TTC28: variants seen among roughly 807,000 people sequenced by gnomAD.
TTC28 encodes the protein tetratricopeptide repeat protein 28.
In TTC28, 61 loss-of-function variants were observed where a neutral mutation model predicts 198.0. The ratio of observed to expected loss-of-function variants is 0.31; its 90% confidence interval spans 0.25 to 0.38. The LOEUF is 0.38. Ranked by LOEUF, TTC28 falls within the 10% of genes least tolerant of loss-of-function variation. The pLI is 1.00. For synonymous variants in TTC28, 1,171 were observed against 1,297.8 expected, an observed-to-expected ratio of 0.90 and a Z score of 2.10; for missense variants, 2,678 against 3,164.0, an observed-to-expected ratio of 0.85 and a Z score of 3.69.
chr22:28,386,274 C>CAACAA lies in TTC28; in HGVS notation c.382-79632_382-79631insTTGTT, dbSNP rs1450364889. Among the ~76,000 whole-genome samples, 5 of 52,240 alleles carry CAACAA rather than the reference C, an allele frequency of 9.6e-5. No homozygotes were observed. In the East Asian group the frequency reaches 5.9e-3, roughly 62 times the overall value. 34.3% of individuals were successfully genotyped at this position (52,240 alleles called of 152,430 possible). ...TGGGCGACAGAGCGAGACTCCGTCT[C>CAACAA]AAAAAAAAAAAAAAAAAAAAAAAAA... On this transcript the variant is annotated intron_variant, in intron 2 of 22. Coordinates refer to ENST00000397906, the MANE Select transcript of TTC28 (RefSeq NM_001145418.2).
At chr22:28,495,652 C>T (rs549949136) in intron 2 of TTC28, among the ~76,000 whole-genome samples, 1 of 152,148 alleles carries the variant, frequency 6.6e-6, no homozygotes, top group African/African-American at 2.4e-5. Context: ...AAAGGTATTC[C>T]TTGTTTGATG....
At chr22:28,206,535 A>C (rs1926419267) in intron 5 of TTC28, among the ~76,000 whole-genome samples, 2 of 152,172 alleles carry the variant, frequency 1.3e-5, no homozygotes, top group Non-Finnish European at 2.9e-5. Context: ...TTAGGCTATA[A>C]AGGAAAGGTT....
rs567495821 is a variant in TTC28, at chr22:28,061,083, G to A, written c.3933-30717C>T. 3.9e-5 allele frequency among the ~76,000 whole-genome samples: 6 copies of A among 152,166 alleles called. No homozygotes were observed. In the South Asian group the frequency reaches 1.2e-3, roughly 32 times the overall value. On this transcript the variant is annotated intron_variant, in intron 12 of 22. Coordinates refer to ENST00000397906, the MANE Select transcript of TTC28 (RefSeq NM_001145418.2). Reference sequence around the variant, plus strand: ...GATGAGGTTGTTTGATTTTTTTCTTGTAAATTTAAGTTCCTTGTAGATTCT... The same window carrying A: ...GATGAGGTTGTTTGATTTTTTTCTTATAAATTTAAGTTCCTTGTAGATTCT...
intron 2 of TTC28, among the ~76,000 whole-genome samples, chr22:28,485,500 A>G (rs544834107): frequency 6.6e-6 from 1 of 152,136 alleles, no homozygotes; most frequent in Admixed American, 6.5e-5. Flanking sequence ...CTTTAAATAT[A>G]TTCATGCCAA....
intron 14 of TTC28, among the ~76,000 whole-genome samples, chr22:28,010,086 C>A (rs977834763): frequency 1.3e-5 from 2 of 152,186 alleles, no homozygotes; most frequent in Non-Finnish European, 1.5e-5. Flanking sequence ...TGCCTCACCT[C>A]AAGATAGGAC....
At chr22:28,197,143 C>T (rs1925435526) in intron 5 of TTC28, among the ~76,000 whole-genome samples, 1 of 151,778 alleles carries the variant, frequency 6.6e-6, no homozygotes, top group African/African-American at 2.4e-5. Context: ...AAGCTGGAAA[C>T]CATCACTCTC....
chr22:28,267,338 C>A (rs1286450377), intron 5 of TTC28, among the ~76,000 whole-genome samples: 1 of 152,174 alleles, frequency 6.6e-6, no homozygotes, highest in Non-Finnish European at 1.5e-5. Flanking sequence ...TCTCAAGAGT[C>A]TAATCTTGGC....
chr22:28,469,621 G>A (rs1013609570), intron 2 of TTC28, among the ~76,000 whole-genome samples: 4 of 152,104 alleles, frequency 2.6e-5, no homozygotes, highest in Non-Finnish European at 4.4e-5. Flanking sequence ...ATGCCATACT[G>A]CTTTGAAGAT....
At chr22:28,436,695 AC>A (rs2146214113) in intron 2 of TTC28, among the ~76,000 whole-genome samples, 1 of 152,350 alleles carries the variant, frequency 6.6e-6, no homozygotes, top group African/African-American at 2.4e-5. Context: ...CATTATAACT[AC>A]AGAGTCACAC....
intron 1 of TTC28, among the ~76,000 whole-genome samples, chr22:28,637,391 T>G (rs2051292487): frequency 6.6e-6 from 1 of 152,202 alleles, no homozygotes; most frequent in South Asian, 2.1e-4. Context: ...TTATGGCATG[T>G]GATAGCCAGT....
intron 5 of TTC28, among the ~76,000 whole-genome samples, chr22:28,250,374 T>C (rs560388007): frequency 6.6e-6 from 1 of 152,364 alleles, no homozygotes; most frequent in South Asian, 2.1e-4. Context: ...AGCCTTACTA[T>C]TCTTAAAAGA....
At chr22:28,513,978 G>C (rs886229197) in intron 2 of TTC28, among the ~76,000 whole-genome samples, 1 of 152,032 alleles carries the variant, frequency 6.6e-6, no homozygotes, top group African/African-American at 2.4e-5. Context: ...GGCAGTCTTT[G>C]TACAAAATAC....
intron 1 of TTC28, among the ~76,000 whole-genome samples, chr22:28,631,022 A>G (rs2051164835): frequency 2.6e-5 from 4 of 152,194 alleles, no homozygotes. Flanking sequence ...AAGATGCTGA[A>G]GCAGGAGGAT....
chr22:28,351,125 T>A (rs1207523229), intron 2 of TTC28, among the ~76,000 whole-genome samples: 2 of 151,666 alleles, frequency 1.3e-5, no homozygotes, highest in African/African-American at 4.8e-5. Context: ...GAGCTTGCAG[T>A]GAGCCGAGAT....
chr22:28,002,516 T>C (rs1480099418), intron 14 of TTC28: 1 of 152,114 alleles, frequency 6.6e-6, no homozygotes, highest in Non-Finnish European at 1.5e-5. Flanking sequence ...TGTGCTGCCG[T>C]GGGCACTTGA....
chr22:28,259,473 C>G (rs13057182), intron 5 of TTC28, among the ~76,000 whole-genome samples: 7,747 of 151,950 alleles, frequency 0.051, 265 homozygotes, highest in African/African-American at 0.092. Flanking sequence ...CTAGAGATAA[C>G]AGAGTAACTG....
intron 2 of TTC28, among the ~76,000 whole-genome samples, chr22:28,572,281 G>A (rs2050076002): frequency 6.6e-6 from 1 of 152,090 alleles, no homozygotes; most frequent in African/African-American, 2.4e-5. Flanking sequence ...GGCAGAAGTT[G>A]CAGTGAGCTG....
Position 28,163,303 on chromosome 22 carries a change from A to C in TTC28, c.1230T>G (p.Phe410Leu). The change falls in exon 6 of 23, where the codon TTT becomes TTG. Residue 410 changes from phenylalanine (F) to leucine (L), a missense_variant. Physicochemically the swap from Phe to Leu is conservative, Grantham distance 22. Coordinates refer to ENST00000397906, the MANE Select transcript of TTC28 (RefSeq NM_001145418.2). ...AGTTATGGTAAGACATGGCCTTGTCAAAGTTCCTCCGGTAGTGATAGGCAC... is the reference window on the plus strand; with the variant it reads ...AGTTATGGTAAGACATGGCCTTGTCCAAGTTCCTCCGGTAGTGATAGGCAC... ...LGSAYHYRRNFDKAMSYHNYV... is the reference protein window; with the variant it reads ...LGSAYHYRRNLDKAMSYHNYV... The C allele has an allele frequency of 1.3e-6, 2 of 1,552,048 alleles. No homozygotes were observed. Among genetic ancestry groups the C allele is most frequent in the Non-Finnish European group, 1.7e-6 (2 of 1,147,078 alleles).
chr22:28,679,798 C>T lies in TTC28; in HGVS notation c.-75G>A. 1.3e-6 allele frequency: 1 copy of T among 781,212 alleles called. No individual in the cohort carries two copies. The highest frequency in any genetic ancestry group is 6.3e-5 in the South Asian group (1 of 15,846). The allele number at this position is 781,212 out of a possible 1,614,324, so 48.4% of individuals were successfully genotyped here. On this transcript the variant is annotated 5_prime_UTR_variant, in exon 1 of 23. Coordinates refer to ENST00000397906, the MANE Select transcript of TTC28 (RefSeq NM_001145418.2). ...TAGGCGCGCGCGCCGGTTCCGCGCG[C>T]CATGTTCCCGCCGTGCTGCGCGCCG...
Sources: allele counts gnomAD v4.1 joint callset (sites outside exome capture counted in the v4.1 genomes callset), GRCh38; gene constraint gnomAD v4.1.1; transcripts MANE v1.5; gene names NCBI Gene and HGNC (gene_info 2026-07-23, HGNC 2026-07-21).